Variants in PRKAG2 observed in about 807,000 individuals in gnomAD.
PRKAG2 encodes the protein protein kinase AMP-activated non-catalytic subunit gamma 2.
PRKAG2 carries 26 observed loss-of-function variants against 69.6 expected under a neutral mutation model. That is an observed-to-expected ratio of 0.37 (90% CI 0.27 to 0.52). The LOEUF (loss-of-function observed/expected upper bound fraction) is 0.52, where lower values mean the gene tolerates loss of function less well. PRKAG2 is among the 20% of genes least tolerant of loss of function. The pLI, the probability that PRKAG2 is intolerant of heterozygous loss-of-function variation, is 0.90. For synonymous variants in PRKAG2, 293 were observed against 285.0 expected, an observed-to-expected ratio of 1.03 and a Z score of -0.28; for missense variants, 557 against 740.0, an observed-to-expected ratio of 0.75 and a Z score of 2.87.
At chr7:151,684,961 G>A (rs989558299) in intron 3 of PRKAG2, among the ~76,000 whole-genome samples, 2 of 152,130 alleles carry the variant, frequency 1.3e-5, no homozygotes, top group African/African-American at 2.4e-5. Context: ...GGTGCCACAC[G>A]TCAGTTCATT....
At chr7:151,876,341 C>T (rs1280488288) in intron 1 of PRKAG2, among the ~76,000 whole-genome samples, 166 bp downstream of exon 1, 1 of 152,076 alleles carries the variant, frequency 6.6e-6, no homozygotes, top group Admixed American at 6.5e-5. Flanking sequence ...GCCCCGGCTC[C>T]GCCAGCCCAG....
intron 1 of PRKAG2, among the ~76,000 whole-genome samples, chr7:151,840,162 G>A (rs947172590): frequency 2.0e-5 from 3 of 152,194 alleles, no homozygotes; most frequent in African/African-American, 4.8e-5. Context: ...TAAGTTACTT[G>A]TTAGGAGTGG....
chr7:151,676,756 G>A (rs1409261754), intron 3 of PRKAG2, among the ~76,000 whole-genome samples: 5 of 152,164 alleles, frequency 3.3e-5, no homozygotes, highest in Non-Finnish European at 7.4e-5. Flanking sequence ...TGGAAACAGG[G>A]TCTTTTCAGA....
rs772764664 is a variant in PRKAG2, at chr7:151,570,231, T to C, written c.1052-6A>G. The C allele has an allele frequency of 7.5e-6, 12 of 1,601,068 alleles. No homozygotes were observed. Among genetic ancestry groups the C allele is most frequent in the Non-Finnish European group, 9.4e-6 (11 of 1,171,032 alleles). On this transcript the variant is annotated splice_polypyrimidine_tract_variant and splice_region_variant and intron_variant, in intron 9 of 15. Transcript: ENST00000287878. ...TGTTTCTTGTAAATAAAGCTCTGTA[T>C]TTATAGAAAGAAAATATGCAGTTAG...
intron 4 of PRKAG2, among the ~76,000 whole-genome samples, chr7:151,636,704 A>T: frequency 6.8e-6 from 1 of 146,902 alleles, no homozygotes; most frequent in East Asian, 1.9e-4. Flanking sequence ...TAATATATAT[A>T]TATTTTAAAT....
chr7:151,754,182 C>T (rs1403013960), intron 3 of PRKAG2, among the ~76,000 whole-genome samples: 2 of 152,328 alleles, frequency 1.3e-5, no homozygotes, highest in East Asian at 1.9e-4. Flanking sequence ...GGGAATTTTT[C>T]GTTGGCTTCT....
At chr7:151,852,951 A>G (rs547325809) in intron 1 of PRKAG2, among the ~76,000 whole-genome samples, 1 of 152,310 alleles carries the variant, frequency 6.6e-6, no homozygotes, top group Non-Finnish European at 1.5e-5. Flanking sequence ...TCAACGGGCA[A>G]CCCCAGGACT....
At chr7:151,765,570 T>C (rs1563624114) in intron 3 of PRKAG2, among the ~76,000 whole-genome samples, 1 of 152,190 alleles carries the variant, frequency 6.6e-6, no homozygotes, top group Non-Finnish European at 1.5e-5. Flanking sequence ...ACCAGCTCCC[T>C]GGGTCTCCGT....
Position 151,814,368 on chromosome 7 carries a change from G to T in PRKAG2, c.115-27827C>A, listed in dbSNP as rs541128105. ...GGGGGAAAACCGCACACCCAGGGAC[G>T]CACAATCACTATGCATTTAGAAAGC... On this transcript the variant is annotated intron_variant, in intron 1 of 15. Transcript: ENST00000287878. The surrounding 1 kb of genome is among the most constrained non-coding windows in gnomAD (Gnocchi z 4.8). 4 of 1,175,634 alleles carry T rather than the reference G, an allele frequency of 3.4e-6. No individual in the cohort carries two copies. The highest frequency in any genetic ancestry group is 4.2e-6 in the Non-Finnish European group (4 of 944,702). The allele number at this position is 1,175,634 out of a possible 1,614,324, so 72.8% of individuals were successfully genotyped here. A position where few individuals can be genotyped will look rare whatever the true frequency, so the allele number is the denominator to read the frequency against.
rs73728289 is a variant in PRKAG2, at chr7:151,781,492, C to T, written c.187-61G>A. 3.3e-3 allele frequency: 5,067 copies of T among 1,537,816 alleles called. 134 individuals carry two copies. In the African/African-American group the frequency reaches 0.06, roughly 18 times the overall value. ...ACGCTCTGGACACGCTGCCTCCTGC[C>T]CTGTATGAAACTTATCATTGTCCTC... On this transcript the variant is annotated intron_variant, in intron 2 of 15. Transcript: ENST00000287878. The surrounding 1 kb of genome is among the most constrained non-coding windows in gnomAD (Gnocchi z 6.1).
intron 3 of PRKAG2, among the ~76,000 whole-genome samples, chr7:151,746,237 G>A (rs1422780728): frequency 1.3e-5 from 2 of 152,172 alleles, no homozygotes; most frequent in African/African-American, 4.8e-5. Context: ...ACCTGGGCTG[G>A]TCACAGAGCA....
rs554396352 is a variant in PRKAG2 at position 151,677,498 on chromosome 7, A to G, written c.467-1861T>C. The stretch of plus-strand genomic sequence containing the variant: ...TGAGCCATCACACTCACCCTCTGAT[A>G]TCTTACATCTTACAGGTAGAAAAAT... On this transcript the variant is annotated intron_variant, in intron 3 of 15. Coordinates refer to ENST00000287878, the MANE Select transcript of PRKAG2 (RefSeq NM_016203.4). Among the ~76,000 whole-genome samples the G allele has an allele frequency of 2.0e-5, 3 of 152,334 alleles. No homozygotes were observed. The South Asian group carries it at 6.2e-4, about 32-fold the overall frequency.
chr7:151,816,858 T>C (rs901401900), intron 1 of PRKAG2, among the ~76,000 whole-genome samples: 7 of 152,198 alleles, frequency 4.6e-5, no homozygotes, highest in African/African-American at 1.7e-4. Context: ...AAAAGCCTAA[T>C]TGGTTTTCCT....
intron 3 of PRKAG2, chr7:151,735,934 C>A (rs745470170): frequency 3.3e-6 from 5 of 1,536,348 alleles, no homozygotes; most frequent in Non-Finnish European, 4.4e-6. Context: ...GGCGCCTCTC[C>A]GTGCTTCGAT....
intron 3 of PRKAG2, among the ~76,000 whole-genome samples, chr7:151,681,474 G>A (rs1416136573): frequency 1.3e-5 from 2 of 152,182 alleles, no homozygotes; most frequent in Admixed American, 6.5e-5. Context: ...GGATATGTGT[G>A]TAGTTAGGGG....
chr7:151,721,400 A>AGGGCCGGGGCCAGGGCCG (rs1797084030), intron 3 of PRKAG2, among the ~76,000 whole-genome samples: 1 of 148,624 alleles, frequency 6.7e-6, no homozygotes, highest in African/African-American at 2.5e-5. Context: ...GGCCGGGGCC[A>AGGGCCGGGGCCAGGGCCG]GGGCCGGGGC....
intron 1 of PRKAG2, among the ~76,000 whole-genome samples, chr7:151,813,156 A>G (rs1367418360): frequency 2.0e-5 from 3 of 152,050 alleles, no homozygotes; most frequent in Non-Finnish European, 4.4e-5. Flanking sequence ...CTTACTCTCA[A>G]CTATTCACAC....
At chr7:151,825,324 G>A (rs1314403005) in intron 1 of PRKAG2, among the ~76,000 whole-genome samples, 4 of 152,196 alleles carry the variant, frequency 2.6e-5, no homozygotes, top group Middle Eastern at 3.2e-3. Context: ...AATAGGACAC[G>A]ATTCTTTGTT....
intron 4 of PRKAG2, among the ~76,000 whole-genome samples, chr7:151,665,046 AG>A (rs1830840450): frequency 6.6e-6 from 1 of 152,214 alleles, no homozygotes. Context: ...CTGTAGGAGT[AG>A]GTATTTCATC....
Sources: allele counts gnomAD v4.1 joint callset (sites outside exome capture counted in the v4.1 genomes callset), GRCh38; gene constraint gnomAD v4.1.1; non-coding constraint Gnocchi (gnomAD v3.1); transcripts MANE v1.5; gene names NCBI Gene and HGNC (gene_info 2026-07-23, HGNC 2026-07-21).